Variants in TDRD6 observed in about 807,000 individuals in gnomAD.
TDRD6 encodes the protein tudor domain-containing protein 6.
In TDRD6, 186 loss-of-function variants were observed where a neutral mutation model predicts 157.5. The observed-to-expected ratio is 1.18, with a 90% CI of 1.05 to 1.33. The LOEUF is 1.33. Ranked by LOEUF, TDRD6 falls within the 40% of genes most tolerant of loss-of-function variation. The pLI is 0.00. For synonymous variants in TDRD6, 1,075 were observed against 945.2 expected (o/e 1.14, Z -2.52); for missense variants, 3,066 against 2,508.0 (o/e 1.22, Z -4.75).
rs1764248749 is a variant in TDRD6, at chr6:46,689,743, C to G, written c.1615C>G (p.Pro539Ala). The G allele has an allele frequency of 6.2e-7, 1 of 1,614,120 alleles. No individual in the cohort carries two copies. Among genetic ancestry groups the G allele is most frequent in the African/African-American group, 1.3e-5 (1 of 74,994 alleles). The stretch of plus-strand genomic sequence containing the variant: ...GGATGGTGTAGTTTTGAAACCTGAA[C>G]CTGATGACCTTTGCTGTGTCAAGTG... Reference protein sequence around the residue: ...KLDGVVLKPEPDDLCCVKWKE... With the variant: ...KLDGVVLKPEADDLCCVKWKE... The change falls in exon 1 of 4, where the codon CCT becomes GCT. Residue 539 changes from proline to alanine, a missense_variant. Physicochemically the swap from Pro to Ala is conservative, Grantham distance 27. Coordinates refer to ENST00000316081, the MANE Select transcript of TDRD6 (RefSeq NM_001010870.3).
Position 46,689,294 on chromosome 6 carries a change from C to G in TDRD6, c.1166C>G (p.Ser389Cys), listed in dbSNP as rs748881784. Residue 389 changes from serine to cysteine, a missense_variant, in exon 1 of 4, where the codon TCT becomes TGT. Ser to Cys is a moderately radical substitution (Grantham distance 112, BLOSUM62 -1). Coordinates refer to ENST00000316081, the MANE Select transcript of TDRD6 (RefSeq NM_001010870.3). Reference sequence around the variant, plus strand: ...CTCTGGGACGGTGGGAGAGGCTGGTCTCGGTCACAGGTCGGTGACCTGAAG... The same window carrying G: ...CTCTGGGACGGTGGGAGAGGCTGGTGTCGGTCACAGGTCGGTGACCTGAAG... ...YGLWDGGRGW[S>C]RSQVGDLKTL... The G allele has an allele frequency of 1.2e-6, 2 of 1,614,020 alleles. No homozygotes were observed. Among genetic ancestry groups the G allele is most frequent in the African/African-American group, 1.3e-5 (1 of 74,918 alleles).
In TDRD6 at chr6:46,691,541, TTATAGAAC is replaced by T. The variant is rs778735895; in HGVS notation, c.3418_3425del (p.Glu1140TrpfsTer2). 5.6e-6 allele frequency: 9 copies of T among 1,613,780 alleles called. No individual in the cohort carries two copies. The highest frequency in any genetic ancestry group is 6.8e-6 in the Non-Finnish European group (8 of 1,179,850). ...GCAAAAGATCCAGATGGAACACTGATTATAGAACTATATGGTGACAATATTCAAATTAG... is the reference window on the plus strand; with the variant it reads ...GCAAAAGATCCAGATGGAACACTGATTATATGGTGACAATATTCAAATTAG... On this transcript the variant is annotated frameshift_variant, in exon 1 of 4. Coordinates refer to ENST00000316081, the MANE Select transcript of TDRD6 (RefSeq NM_001010870.3). LOFTEE classifies it high-confidence loss of function.
At chr6:46,698,726 A>C (rs1357582594) in intron 3 of TDRD6, among the ~76,000 whole-genome samples, 4 of 152,078 alleles carry the variant, frequency 2.6e-5, no homozygotes, top group Non-Finnish European at 5.9e-5. Flanking sequence ...TTCCCTAGAG[A>C]AATGGTCAGC....
chr6:46,693,850 G>C lies in TDRD6; in HGVS notation c.5722G>C (p.Glu1908Gln), dbSNP rs750026194. 44 of 1,614,078 alleles carry C rather than the reference G, an allele frequency of 2.7e-5. No individual in the cohort carries two copies. Among genetic ancestry groups the C allele is most frequent in the Middle Eastern group, 1.6e-4 (1 of 6,084 alleles). ...SCEAEKQPEL[E>Q]LPTAQLPLDD... ...TGAAGCTGAGAAACAGCCAGAACTA[G>C]AACTACCTACAGCCCAGCTGCCTTT... is the stretch of plus-strand genomic sequence containing the variant. The change falls in exon 1 of 4, where the codon GAA (glutamate) becomes CAA (glutamine). Residue 1908 changes from glutamate (E) to glutamine (Q), a missense_variant. By Grantham distance (29) the Glu-to-Gln change is conservative (BLOSUM62 2). Transcript: ENST00000316081.
rs1363296457 is a variant in TDRD6, at chr6:46,694,090, A to G, written c.5962A>G (p.Ile1988Val). ...EFVEYKNRDA[I>V]SALMPLFSEE... ...TGTAGAGTATAAAAACAGGGATGCC[A>G]TTTCGGCATTGATGCCTTTGTTCTC... is the stretch of plus-strand genomic sequence containing the variant. The change falls in exon 1 of 4, where the codon ATT (isoleucine) becomes GTT (valine). Residue 1988 changes from isoleucine (I) to valine (V), a missense_variant. Physicochemically the swap from Ile to Val is conservative, Grantham distance 29. Transcript: ENST00000316081. 5 of 1,611,266 alleles carry G rather than the reference A, an allele frequency of 3.1e-6. No homozygotes were observed. The highest frequency in any genetic ancestry group is 1.3e-5 in the African/African-American group (1 of 75,022).
rs370101059 is a variant in TDRD6, at chr6:46,698,014, A to G, written c.6188A>G (p.Asn2063Ser). ...EEGTRVLNLS[N>S]GMEEIVNPEN... ...CTCCTGTAGGTTTTGAACCTTTCAA[A>G]TGGTATGGAGGAGATAGTGAACCCT... is the stretch of plus-strand genomic sequence containing the variant. Residue 2063 changes from asparagine to serine, a missense_variant, in exon 3 of 4, where the codon AAT becomes AGT. Transcript: ENST00000316081. 2 of 1,594,532 alleles carry G rather than the reference A, an allele frequency of 1.3e-6. No individual in the cohort carries two copies. Among genetic ancestry groups the G allele is most frequent in the African/African-American group, 2.7e-5 (2 of 74,692 alleles).
At chr6:46,701,384 C>T (rs956360760) in intron 3 of TDRD6, among the ~76,000 whole-genome samples, 1 of 151,980 alleles carries the variant, frequency 6.6e-6, no homozygotes, top group African/African-American at 2.4e-5. Flanking sequence ...GTTAAATAAT[C>T]TCTTGGAATT....
chr6:46,693,522 G>T lies in TDRD6; in HGVS notation c.5394G>T (p.Glu1798Asp), dbSNP rs1232289104. The stretch of plus-strand genomic sequence containing the variant: ...CTGAGGAACTGGAAGGTGAATTAGA[G>T]TGCCATCTGGTTGACAAAGCAGAGT... The part of the protein sequence containing the change: ...IDTEELEGEL[E>D]CHLVDKAEFD... The change falls in exon 1 of 4, where the codon GAG becomes GAT. Residue 1798 changes from glutamate (E) to aspartate (D), a missense_variant. Glu to Asp is a conservative substitution (Grantham distance 45, BLOSUM62 2). Transcript: ENST00000316081. 3 of 1,613,866 alleles carry T rather than the reference G, an allele frequency of 1.9e-6. No homozygotes were observed. The highest frequency in any genetic ancestry group is 2.5e-6 in the Non-Finnish European group (3 of 1,179,850).
In TDRD6 at chr6:46,688,156, C is replaced by G; in HGVS notation, c.28C>G (p.Pro10Ala). 6.5e-7 allele frequency: 1 copy of G among 1,544,870 alleles called. No individual in the cohort carries two copies. Among genetic ancestry groups the G allele is most frequent in the Admixed American group, 1.9e-5 (1 of 52,526 alleles). The stretch of plus-strand genomic sequence containing the variant: ...GTGCTCGACGCCCGGAATGCCGGCG[C>G]CGGGGGCCTCGCTGGCCCTGCGGGT... MCSTPGMPA[P>A]GASLALRVSF... is the part of the protein sequence containing the mutation. Residue 10 changes from proline (P) to alanine (A), a missense_variant, in exon 1 of 4, where the codon CCG (proline) becomes GCG (alanine). By Grantham distance (27) the Pro-to-Ala change is conservative. Coordinates refer to ENST00000316081, the MANE Select transcript of TDRD6 (RefSeq NM_001010870.3).
chr6:46,697,889 A>AAATAAT (rs765087436), intron 2 of TDRD6, 109 bp from the exon 3 acceptor site: 1 of 541,274 alleles, frequency 1.8e-6, no homozygotes, highest in Non-Finnish European at 3.1e-6. Context: ...CCCTATCTCA[A>AAATAAT]AATAATAATA....
At position 46,688,295 on chromosome 6, in the gene TDRD6, C is replaced by T. The variant is rs778075110; in HGVS notation, c.167C>T (p.Thr56Met). The change falls in exon 1 of 4, where the codon ACG (threonine) becomes ATG (methionine). Residue 56 changes from threonine to methionine, a missense_variant. Physicochemically the swap from Thr to Met is moderately conservative, Grantham distance 81. Transcript: ENST00000316081. ...LSREIQEAAA[T>M]RGQWALGSAS... The stretch of plus-strand genomic sequence containing the variant: ...CGGGAAATCCAGGAAGCGGCGGCCA[C>T]GCGCGGCCAGTGGGCGCTGGGCAGC... 35 of 1,500,732 alleles carry T rather than the reference C, an allele frequency of 2.3e-5. No individual in the cohort carries two copies. Among genetic ancestry groups the T allele is most frequent in the Non-Finnish European group, 3.0e-5 (34 of 1,132,734 alleles). 93.0% of individuals were successfully genotyped at this position (1,500,732 alleles called of 1,614,324 possible). A position where few individuals can be genotyped will look rare whatever the true frequency, so the allele number is the denominator to read the frequency against.
At position 46,690,135 on chromosome 6, in the gene TDRD6, G is replaced by A. The variant is rs775663215; in HGVS notation, c.2007G>A (p.Gln669=). 5.6e-6 allele frequency: 9 copies of A among 1,613,408 alleles called. No individual in the cohort carries two copies. Among genetic ancestry groups the A allele is most frequent in the East Asian group, 2.2e-5 (1 of 44,870 alleles). ...VIAQAGYAKY[Q]EFETKENILV... is the part of the protein sequence containing the mutation. The stretch of plus-strand genomic sequence containing the variant: ...CCCAAGCTGGATATGCCAAGTATCA[G>A]GAATTTGAAACAAAGGAAAATATCC... The change falls in exon 1 of 4, where the codon CAG becomes CAA. Residue 669 remains glutamine (Q), a synonymous_variant. Transcript: ENST00000316081.
intron 3 of TDRD6, among the ~76,000 whole-genome samples, chr6:46,699,382 A>G (rs536735655): frequency 6.6e-6 from 1 of 152,294 alleles, no homozygotes; most frequent in African/African-American, 2.4e-5. Context: ...GAGACGGGTC[A>G]TCTCTCACAT....
Position 46,692,136 on chromosome 6 carries a change from G to A in TDRD6, c.4008G>A (p.Glu1336=). ...EDEAEISHLS[E]RLNSVKTRPE... is the part of the protein sequence containing the mutation. Reference sequence around the variant, plus strand: ...AAGCTGAAATTAGTCATCTTTCAGAGAGATTAAACAGTGTTAAAACAAGGC... The same window carrying A: ...AAGCTGAAATTAGTCATCTTTCAGAAAGATTAAACAGTGTTAAAACAAGGC... The change falls in exon 1 of 4, where the codon GAG becomes GAA. Residue 1336 remains glutamate (E), a synonymous_variant. Transcript: ENST00000316081. 1 of 1,613,880 alleles carries A rather than the reference G, an allele frequency of 6.2e-7. No individual in the cohort carries two copies. Among genetic ancestry groups the A allele is most frequent in the Non-Finnish European group, 8.5e-7 (1 of 1,179,898 alleles).
Position 46,692,662 on chromosome 6 carries a change from A to C in TDRD6, c.4534A>C (p.Asn1512His), listed in dbSNP as rs1231378726. The change falls in exon 1 of 4, where the codon AAC becomes CAC. Residue 1512 changes from asparagine to histidine, a missense_variant. Transcript: ENST00000316081. ...KSDIDTSVFL[N>H]WYNPEKKMIR... ...AGACATTGACACTTCAGTATTTCTT[A>C]ACTGGTATAATCCAGAAAAAAAAAT... The C allele has an allele frequency of 1.2e-6, 2 of 1,613,686 alleles. No individual in the cohort carries two copies. Among genetic ancestry groups the C allele is most frequent in the South Asian group, 2.2e-5 (2 of 91,014 alleles).
At chr6:46,696,073 G>C in intron 2 of TDRD6, 128 bp downstream of exon 2, 4 of 971,522 alleles carry the variant, frequency 4.1e-6, no homozygotes, top group Non-Finnish European at 4.5e-6. Context: ...CTGATAACTT[G>C]ATGTAATGCA....
chr6:46,689,462 G>A lies in TDRD6; in HGVS notation c.1334G>A (p.Arg445Gln), dbSNP rs1431721541. Residue 445 changes from arginine (R) to glutamine (Q), a missense_variant, in exon 1 of 4, where the codon CGA becomes CAA. Physicochemically the swap from Arg to Gln is conservative, Grantham distance 43. Coordinates refer to ENST00000316081, the MANE Select transcript of TDRD6 (RefSeq NM_001010870.3). Reference sequence around the variant, plus strand: ...GTACAGTCGTGTTGCTTGGCTGACCGAGTCCTTCAGAGCCAGGCAACAGAG... The same window carrying A: ...GTACAGTCGTGTTGCTTGGCTGACCAAGTCCTTCAGAGCCAGGCAACAGAG... ...FGVQSCCLAD[R>Q]VLQSQATEEE... The A allele has an allele frequency of 4.3e-6, 7 of 1,613,336 alleles. No homozygotes were observed. The South Asian group carries it at 6.6e-5, about 15-fold the overall frequency.
At position 46,693,018 on chromosome 6, in the gene TDRD6, A is replaced by C; in HGVS notation, c.4890A>C (p.Gln1630His). 6.2e-7 allele frequency: 1 copy of C among 1,613,418 alleles called. No individual in the cohort carries two copies. Among genetic ancestry groups the C allele is most frequent in the South Asian group, 1.1e-5 (1 of 90,962 alleles). The change falls in exon 1 of 4, where the codon CAA becomes CAC. Residue 1630 changes from glutamine to histidine, a missense_variant. Transcript: ENST00000316081. ...IPSELLSVPM[Q>H]AFPCCLSGFN... is the part of the protein sequence containing the mutation. ...CTGAACTTCTGTCGGTTCCCATGCA[A>C]GCCTTTCCATGTTGCCTCTCAGGGT...
chr6:46,688,524 G>A lies in TDRD6; in HGVS notation c.396G>A (p.Ala132=). The A allele has an allele frequency of 1.9e-6, 3 of 1,569,712 alleles. No individual in the cohort carries two copies. Among genetic ancestry groups the A allele is most frequent in the Non-Finnish European group, 2.6e-6 (3 of 1,161,768 alleles). The change falls in exon 1 of 4, where the codon GCG becomes GCA. Residue 132 remains alanine, a synonymous_variant. Coordinates refer to ENST00000316081, the MANE Select transcript of TDRD6 (RefSeq NM_001010870.3). Reference sequence around the variant, plus strand: ...CGGAAGTGCTGGGCTGCGTGCTAGCGGGCCTGGTGCCGGCAGGCTGCGGCG... The same window carrying A: ...CGGAAGTGCTGGGCTGCGTGCTAGCAGGCCTGGTGCCGGCAGGCTGCGGCG... ...LPSEVLGCVL[A]GLVPAGCGAG...
Sources: gnomAD v4.1 joint callset for allele counts (sites outside exome capture counted in the v4.1 genomes callset) on GRCh38, gnomAD v4.1.1 for gene constraint, MANE v1.5 for transcripts, NCBI Gene and HGNC (gene_info 2026-07-23, HGNC 2026-07-21) for gene names.